The following FAM216B variants were observed in gnomAD, a reference collection of about 807,000 sequenced individuals.
FAM216B encodes the protein protein FAM216B.
FAM216B carries 11 observed loss-of-function variants against 12.9 expected under a neutral mutation model. That is an observed-to-expected ratio of 0.86 (90% CI 0.54 to 1.42). The LOEUF is 1.42. Among genes scored for constraint, FAM216B ranks in the 40% most tolerant of loss-of-function variants. FAM216B has a pLI of 0.00. For missense variants in FAM216B, 167 were observed against 162.9 expected, an observed-to-expected ratio of 1.02 and a Z score of -0.14; for synonymous variants, 52 against 57.2, an observed-to-expected ratio of 0.91 and a Z score of 0.41.
At chr13:42,786,967 C>G in intron 3 of FAM216B, 84 bp downstream of exon 3, 1 of 1,573,982 alleles carries the variant, frequency 6.4e-7, no homozygotes, top group East Asian at 2.3e-5. Flanking sequence ...ATAAATAATT[C>G]AAGCACAATG....
chr13:42,781,866 T>A (rs990569091), intron 1 of FAM216B, among the ~76,000 whole-genome samples: 3 of 152,234 alleles, frequency 2.0e-5, no homozygotes, highest in Non-Finnish European at 4.4e-5. Flanking sequence ...GTCATTTCTT[T>A]ATGCTATTTG....
Position 42,784,632 on chromosome 13 carries a change from A to G in FAM216B, c.99+466A>G, listed in dbSNP as rs916972610. On this transcript the variant is annotated intron_variant, in intron 2 of 3. Coordinates refer to ENST00000313851, the MANE Select transcript of FAM216B (RefSeq NM_001318932.2). ...GGAGATCGAGACCATCCTGGCTAAC[A>G]TGGTGAAACCCCGTCTCTACTAAAA... Among the ~76,000 whole-genome samples, 3 of 138,012 alleles carry G rather than the reference A, an allele frequency of 2.2e-5. No homozygotes were observed. The Admixed American group carries it at 2.5e-4, about 11-fold the overall frequency. The allele number at this position is 138,012 out of a possible 152,430, so 90.5% of individuals were successfully genotyped here.
At chr13:42,784,187 T>TC in intron 2 of FAM216B, 21 bp downstream of exon 2, 2 of 1,533,976 alleles carry the variant, frequency 1.3e-6, no homozygotes. Flanking sequence ...TTTTTTTTTT[T>TC]TTTTTTCACA....
Position 42,786,848 on chromosome 13 carries a change from G to T in FAM216B, c.185G>T (p.Arg62Leu). 12 of 1,613,946 alleles carry T rather than the reference G, an allele frequency of 7.4e-6. No individual in the cohort carries two copies. Among genetic ancestry groups the T allele is most frequent in the Non-Finnish European group, 1.0e-5 (12 of 1,179,912 alleles). Residue 62 changes from arginine to leucine, a missense_variant, in exon 3 of 4, where the codon CGC becomes CTC. By Grantham distance (102) the Arg-to-Leu change is moderately radical. Transcript: ENST00000313851. ...SRPQWEALQT[R>L]YIHSLQHQQL... The stretch of plus-strand genomic sequence containing the variant: ...CCCCAGTGGGAGGCCCTGCAGACCC[G>T]CTACATTCACAGCCTTCAGCACCAA...
intron 2 of FAM216B, among the ~76,000 whole-genome samples, chr13:42,784,661 C>CAAAAAAAAAAAAAAAAA (rs61276354): frequency 1.1e-5 from 1 of 94,772 alleles, no homozygotes; most frequent in African/African-American, 4.1e-5. Context: ...ACTAAAAATA[C>CAAAAAAAAAAAAAAAAA]AAAAAAAAAA....
chr13:42,784,661 C>CAAAAA (rs61276354), intron 2 of FAM216B, among the ~76,000 whole-genome samples: 23 of 94,752 alleles, frequency 2.4e-4, no homozygotes, highest in African/African-American at 3.3e-4. Context: ...ACTAAAAATA[C>CAAAAA]AAAAAAAAAA....
At chr13:42,783,929 C>A in intron 1 of FAM216B, 125 bp from the exon 2 acceptor site, 1 of 526,200 alleles carries the variant, frequency 1.9e-6, no homozygotes, top group Non-Finnish European at 3.3e-6. Flanking sequence ...AGCAAATGTT[C>A]TTATCCCTTA....
chr13:42,788,516 A>G lies in FAM216B; in HGVS notation c.221-75A>G, dbSNP rs1874177235. ...GAATAAATTTTGTACACATAAGTAAATATTTGCAGTTTTGTTTTCTTATTT... is the reference window on the plus strand; with the variant it reads ...GAATAAATTTTGTACACATAAGTAAGTATTTGCAGTTTTGTTTTCTTATTT... On this transcript the variant is annotated intron_variant, in intron 3 of 3. Coordinates refer to ENST00000313851, the MANE Select transcript of FAM216B (RefSeq NM_001318932.2). The G allele has an allele frequency of 6.4e-6, 8 of 1,255,280 alleles. No individual in the cohort carries two copies. In the South Asian group the frequency reaches 9.3e-5, roughly 15 times the overall value. The allele number at this position is 1,255,280 out of a possible 1,614,324, so 77.8% of individuals were successfully genotyped here.
rs1210673551 is a variant in FAM216B at position 42,789,892 on chromosome 13, G to A, written c.*1102G>A. 1 of 152,108 alleles carries A rather than the reference G, an allele frequency of 6.6e-6. No individual in the cohort carries two copies. Among genetic ancestry groups the A allele is most frequent in the Admixed American group, 6.6e-5 (1 of 15,256 alleles). 9.4% of individuals were successfully genotyped at this position (152,108 alleles called of 1,614,324 possible). On this transcript the variant is annotated 3_prime_UTR_variant, in exon 4 of 4. Coordinates refer to ENST00000313851, the MANE Select transcript of FAM216B (RefSeq NM_001318932.2). ...ATCATTATCTTCTCTTTGCAATCAT[G>A]AACATATAAGATATAAAAATTGTCA...
intron 3 of FAM216B, among the ~76,000 whole-genome samples, chr13:42,787,243 C>T (rs564685737): frequency 2.0e-5 from 3 of 152,292 alleles, no homozygotes; most frequent in Admixed American, 6.5e-5. Flanking sequence ...GGTTTATTCA[C>T]AACAATAATA....
rs1391800888 is a variant in FAM216B at position 42,790,404 on chromosome 13, C to A, written c.*1614C>A. ...TGCAGAATATCAAGGAGGCCACTTA[C>A]AATTCTAAGCTGCATCCCTGTATCA... On this transcript the variant is annotated 3_prime_UTR_variant, in exon 4 of 4. Coordinates refer to ENST00000313851, the MANE Select transcript of FAM216B (RefSeq NM_001318932.2). The A allele has an allele frequency of 6.6e-6, 1 of 152,030 alleles. No individual in the cohort carries two copies. Among genetic ancestry groups the A allele is most frequent in the Non-Finnish European group, 1.5e-5 (1 of 68,006 alleles). The allele number at this position is 152,030 out of a possible 1,614,324, so 9.4% of individuals were successfully genotyped here. A position where few individuals can be genotyped will look rare whatever the true frequency, so the allele number is the denominator to read the frequency against.
chr13:42,784,173 C>A lies in FAM216B; in HGVS notation c.99+7C>A. On this transcript the variant is annotated splice_region_variant and intron_variant, in intron 2 of 3. Transcript: ENST00000313851. The stretch of plus-strand genomic sequence containing the variant: ...TGACACTTCCTTACTAAAGGTATGG[C>A]TTTTTTTTTTTTTTTTTTTTCACAG... The A allele has an allele frequency of 1.3e-6, 1 of 750,740 alleles. No homozygotes were observed. The allele number at this position is 750,740 out of a possible 1,614,324, so 46.5% of individuals were successfully genotyped here.
intron 3 of FAM216B, among the ~76,000 whole-genome samples, chr13:42,787,126 G>C (rs1874124024): frequency 6.6e-6 from 1 of 152,168 alleles, no homozygotes; most frequent in Admixed American, 6.5e-5. Context: ...TTAACTCTCT[G>C]AGATTTGTGA....
At chr13:42,786,556 A>G (rs1874095166) in intron 2 of FAM216B, among the ~76,000 whole-genome samples, 1 of 152,090 alleles carries the variant, frequency 6.6e-6, no homozygotes, top group Admixed American at 6.5e-5. Flanking sequence ...TATTTTCATC[A>G]TCATACAGAT....
intron 2 of FAM216B, 129 bp downstream of exon 2, chr13:42,784,295 C>T (rs991118082): frequency 3.0e-5 from 19 of 636,636 alleles, no homozygotes; most frequent in African/African-American, 7.6e-5. Flanking sequence ...GCATAATAAG[C>T]CCTTGCTGCA....
In FAM216B at chr13:42,791,250, T is replaced by C. The variant is rs995551068; in HGVS notation, c.*2460T>C. 16 of 152,216 alleles carry C rather than the reference T, an allele frequency of 1.1e-4. No individual in the cohort carries two copies. The highest frequency in any genetic ancestry group is 2.1e-4 in the Non-Finnish European group (14 of 68,036). 9.4% of individuals were successfully genotyped at this position (152,216 alleles called of 1,614,324 possible). A position where few individuals can be genotyped will look rare whatever the true frequency, so the allele number is the denominator to read the frequency against. On this transcript the variant is annotated 3_prime_UTR_variant, in exon 4 of 4. Coordinates refer to ENST00000313851, the MANE Select transcript of FAM216B (RefSeq NM_001318932.2). ...TATATGTAAGCTTCAAAGTAGCACA[T>C]TTGTACTGTTTTTCTTCAATAATCA...
intron 1 of FAM216B, among the ~76,000 whole-genome samples, chr13:42,782,828 A>G (rs944502852): frequency 6.6e-6 from 1 of 152,190 alleles, no homozygotes; most frequent in Admixed American, 6.5e-5. Context: ...TTATAGTACA[A>G]TGCTATAAAA....
At position 42,788,581 on chromosome 13, in the gene FAM216B, T is replaced by C; in HGVS notation, c.221-10T>C. The C allele has an allele frequency of 1.3e-6, 2 of 1,552,920 alleles. No individual in the cohort carries two copies. The highest frequency in any genetic ancestry group is 1.7e-6 in the Non-Finnish European group (2 of 1,148,232). ...TTGATTTTGAAGTTTCTCTCATTTC[T>C]TTCCCCTAGGCTATATTACTCAACG... On this transcript the variant is annotated splice_polypyrimidine_tract_variant and intron_variant, in intron 3 of 3. Transcript: ENST00000313851.
chr13:42,786,138 T>C (rs953332775), intron 2 of FAM216B, among the ~76,000 whole-genome samples: 2 of 152,106 alleles, frequency 1.3e-5, no homozygotes, highest in African/African-American at 2.4e-5. Context: ...CCCTTTGAAC[T>C]AAAAAGAAAA....
Sources: allele counts gnomAD v4.1 joint callset (sites outside exome capture counted in the v4.1 genomes callset), GRCh38; gene constraint gnomAD v4.1.1; transcripts MANE v1.5; gene names NCBI Gene and HGNC (gene_info 2026-07-23, HGNC 2026-07-21).